Variants in ITPR1 observed in about 807,000 individuals in gnomAD.
The protein encoded by ITPR1 is inositol 1,4,5-trisphosphate receptor type 1, also known as inositol 1,4,5-trisphosphate-gated calcium channel ITPR1.
A neutral mutation model predicts 318.4 loss-of-function variants in ITPR1; 96 were observed. That is an observed-to-expected ratio of 0.30 (90% CI 0.26 to 0.36). ITPR1 has a LOEUF of 0.36. ITPR1 is among the 10% of genes least tolerant of loss of function. The probability of loss-of-function intolerance (pLI) is 1.00; values close to 1 mark genes in which losing one functional copy is unlikely to be tolerated. For missense variants in ITPR1, 2,440 were observed against 3,460.2 expected (o/e 0.71, Z 7.40); for synonymous variants, 1,312 against 1,289.9 (o/e 1.02, Z -0.37).
chr3:4,604,856 G>A (rs2091586954), intron 4 of ITPR1, among the ~76,000 whole-genome samples: 1 of 152,164 alleles, frequency 6.6e-6, no homozygotes, highest in Admixed American at 6.5e-5. Context: ...CAGATGGACA[G>A]CATCGTGAGT....
chr3:4,786,464 G>A (rs2125403913), intron 51 of ITPR1, among the ~76,000 whole-genome samples: 1 of 152,344 alleles, frequency 6.6e-6, no homozygotes, highest in South Asian at 2.1e-4. Flanking sequence ...AGCTTGACCT[G>A]AGTCACCTCT....
intron 4 of ITPR1, among the ~76,000 whole-genome samples, chr3:4,527,742 C>T (rs184707612): frequency 3.1e-4 from 47 of 152,256 alleles, no homozygotes; most frequent in African/African-American, 4.1e-4. Flanking sequence ...TATAATGAGC[C>T]GCTCTTGGAC....
Position 4,846,448 on chromosome 3 carries a change from A to T in ITPR1, c.*223A>T. The T allele has an allele frequency of 5.5e-6, 2 of 363,022 alleles. No individual in the cohort carries two copies. Among genetic ancestry groups the T allele is most frequent in the Middle Eastern group, 7.1e-4 (1 of 1,406 alleles). The allele number at this position is 363,022 out of a possible 1,614,324, so 22.5% of individuals were successfully genotyped here. A position where few individuals can be genotyped will look rare whatever the true frequency, so the allele number is the denominator to read the frequency against. Reference sequence around the variant, plus strand: ...ACATTTCATTTGTGCCAAAAATATTAAAAATGCCTTTTTTGGAAGGACTAA... The same window carrying T: ...ACATTTCATTTGTGCCAAAAATATTTAAAATGCCTTTTTTGGAAGGACTAA... On this transcript the variant is annotated 3_prime_UTR_variant, in exon 62 of 62. Coordinates refer to ENST00000649015, the MANE Select transcript of ITPR1 (RefSeq NM_001378452.1).
At chr3:4,841,842 T>C (rs2051368477) in intron 61 of ITPR1, among the ~76,000 whole-genome samples, 1 of 152,244 alleles carries the variant, frequency 6.6e-6, no homozygotes, top group Non-Finnish European at 1.5e-5. Context: ...ATCTATACAT[T>C]GATAGTAAAT....
intron 24 of ITPR1, among the ~76,000 whole-genome samples, chr3:4,680,022 G>A (rs757263357): frequency 2.0e-5 from 3 of 152,184 alleles, no homozygotes; most frequent in East Asian, 1.9e-4. Context: ...GTGACCCTGT[G>A]TTGGAATAAA....
chr3:4,612,665 T>A (rs1335833423), intron 4 of ITPR1, among the ~76,000 whole-genome samples: 1 of 152,054 alleles, frequency 6.6e-6, no homozygotes, highest in Admixed American at 6.5e-5. Context: ...GGCAGGCGGA[T>A]CACCTGAGGT....
intron 44 of ITPR1, among the ~76,000 whole-genome samples, chr3:4,763,919 C>G (rs537210136): frequency 3.9e-5 from 6 of 152,248 alleles, no homozygotes; most frequent in Non-Finnish European, 7.3e-5. Context: ...CATTTACTTA[C>G]TTACTTGAAG....
rs746933989 is a variant in ITPR1 at position 4,663,047 on chromosome 3, A to G, written c.1413-18A>G. On this transcript the variant is annotated intron_variant, in intron 15 of 61. Transcript: ENST00000649015. Reference sequence around the variant, plus strand: ...AACACTGAACACATCTGTCTCTAATAGCGTCTTTCCTCCTAAGGTCTGTAA... The same window carrying G: ...AACACTGAACACATCTGTCTCTAATGGCGTCTTTCCTCCTAAGGTCTGTAA... 5 of 1,612,374 alleles carry G rather than the reference A, an allele frequency of 3.1e-6. No individual in the cohort carries two copies. In the South Asian group the frequency reaches 4.4e-5, roughly 14 times the overall value.
At chr3:4,589,407 G>A (rs995137596) in intron 4 of ITPR1, among the ~76,000 whole-genome samples, 1 of 152,146 alleles carries the variant, frequency 6.6e-6, no homozygotes, top group African/African-American at 2.4e-5. Flanking sequence ...AAGGTGATCT[G>A]TGGAGCCAGC....
chr3:4,648,576 G>A (rs1444315068), intron 10 of ITPR1, among the ~76,000 whole-genome samples: 2 of 152,184 alleles, frequency 1.3e-5, no homozygotes, highest in East Asian at 1.9e-4. Flanking sequence ...TTGGGAGGCC[G>A]AGGTGGGCGG....
At chr3:4,615,365 A>ATTTC (rs199673340) in intron 4 of ITPR1, among the ~76,000 whole-genome samples, 7,643 of 129,706 alleles carry the variant, frequency 0.059, 293 homozygotes, top group Non-Finnish European at 0.085. Flanking sequence ...TTTCCAACTG[A>ATTTC]TTTCTTTCTT....
At chr3:4,532,396 G>C (rs1214226844) in intron 4 of ITPR1, among the ~76,000 whole-genome samples, 1 of 152,064 alleles carries the variant, frequency 6.6e-6, no homozygotes, top group Admixed American at 6.6e-5. Context: ...ATAGGGTCTT[G>C]CTCTGTAGCT....
chr3:4,723,256 G>T (rs1394837485), intron 40 of ITPR1, among the ~76,000 whole-genome samples: 2 of 152,198 alleles, frequency 1.3e-5, no homozygotes, highest in African/African-American at 4.8e-5. Context: ...CACACAGAGA[G>T]CCAGAGCTAA....
At position 4,800,512 on chromosome 3, in the gene ITPR1, G is replaced by A; in HGVS notation, c.7019G>A (p.Gly2340Asp). The change falls in exon 54 of 62, where the codon GGC (glycine) becomes GAC (aspartate). Residue 2340 changes from glycine to aspartate, a missense_variant. Transcript: ENST00000649015. ...GTCATTGCCCTCCCCAAGCCCCATGGCATCCGGGCCTTAATTGCCTCCACA... is the reference window on the plus strand; with the variant it reads ...GTCATTGCCCTCCCCAAGCCCCATGACATCCGGGCCTTAATTGCCTCCACA... ...AIVIALPKPH[G>D]IRALIASTIL... The A allele has an allele frequency of 6.2e-7, 1 of 1,613,962 alleles. No individual in the cohort carries two copies. The highest frequency in any genetic ancestry group is 8.5e-7 in the Non-Finnish European group (1 of 1,179,870).
At chr3:4,598,996 C>A (rs188950497) in intron 4 of ITPR1, among the ~76,000 whole-genome samples, 1 of 150,874 alleles carries the variant, frequency 6.6e-6, no homozygotes, top group Non-Finnish European at 1.5e-5. Context: ...TGCACAGGAT[C>A]ATTACTGATG....
intron 16 of ITPR1, among the ~76,000 whole-genome samples, chr3:4,663,993 T>A (rs1281825891): frequency 1.3e-5 from 2 of 152,228 alleles, no homozygotes; most frequent in Non-Finnish European, 2.9e-5. Context: ...TTCAGTTCAA[T>A]TGATTTTTAG....
intron 16 of ITPR1, among the ~76,000 whole-genome samples, chr3:4,664,014 G>T (rs1437099222): frequency 1.3e-5 from 2 of 152,168 alleles, no homozygotes; most frequent in Non-Finnish European, 2.9e-5. Flanking sequence ...CGTACTTGTT[G>T]GATATCAATC....
At chr3:4,687,689 T>C (rs1384999718) in intron 30 of ITPR1, among the ~76,000 whole-genome samples, 1 of 152,240 alleles carries the variant, frequency 6.6e-6, no homozygotes, top group Non-Finnish European at 1.5e-5. Flanking sequence ...ATGGGTTTTA[T>C]AGAATTGGCT....
intron 2 of ITPR1, among the ~76,000 whole-genome samples, chr3:4,513,031 G>A (rs1259107216): frequency 6.6e-6 from 1 of 152,188 alleles, no homozygotes; most frequent in African/African-American, 2.4e-5. Flanking sequence ...TTTTCTCTGA[G>A]GTGGTCCTTG....
Sources: gnomAD v4.1 joint callset for allele counts (sites outside exome capture counted in the v4.1 genomes callset) on GRCh38, gnomAD v4.1.1 for gene constraint, MANE v1.5 for transcripts, NCBI Gene and HGNC (gene_info 2026-07-23, HGNC 2026-07-21) for gene names.